SHC2: variants seen among roughly 807,000 people sequenced by gnomAD.
The protein encoded by SHC2 is SHC adaptor protein 2.
Under a neutral mutation model 60.6 loss-of-function variants are expected in SHC2, and 62 were observed. The observed-to-expected ratio is 1.02, with a 90% CI of 0.83 to 1.26. The LOEUF (loss-of-function observed/expected upper bound fraction) is 1.26, where lower values mean the gene tolerates loss of function less well. Among genes scored for constraint, SHC2 ranks in the 50% most tolerant of loss-of-function variants. The probability of loss-of-function intolerance (pLI) is 0.00; values close to 1 mark genes in which losing one functional copy is unlikely to be tolerated. For synonymous variants in SHC2, 375 were observed against 372.4 expected, an observed-to-expected ratio of 1.01 and a Z score of -0.08; for missense variants, 873 against 822.2, an observed-to-expected ratio of 1.06 and a Z score of -0.76.
rs2145723230 is a variant in SHC2, at chr19:438,381, TC to T, written c.720+336del. On this transcript the variant is annotated intron_variant, in intron 4 of 12. Transcript: ENST00000264554. The surrounding 1 kb of genome is among the most constrained non-coding windows in gnomAD (Gnocchi z 5.0). ...CTTGAGGACTGATAGCCAGGGTTTA[TC>T]CCCGCCCCTCCCCAGGCACTGTGGA... Among the ~76,000 whole-genome samples the T allele has an allele frequency of 6.6e-6, 1 of 152,300 alleles. No individual in the cohort carries two copies. Among genetic ancestry groups the T allele is most frequent in the African/African-American group, 2.4e-5 (1 of 41,576 alleles).
At chr19:419,182 G>C in intron 11 of SHC2, 126 bp from the exon 12 acceptor site, 1 of 1,066,236 alleles carries the variant, frequency 9.4e-7, no homozygotes, top group Non-Finnish European at 1.3e-6. Flanking sequence ...GGCCGGACCA[G>C]GGAATTCCGG....
At chr19:449,423 C>G (rs1017097616) in intron 1 of SHC2, among the ~76,000 whole-genome samples, 1 of 152,096 alleles carries the variant, frequency 6.6e-6, no homozygotes, top group Non-Finnish European at 1.5e-5. Flanking sequence ...AAAGGTTGCT[C>G]TGACACCGTT....
In SHC2 at chr19:460,509, G is replaced by T; in HGVS notation, c.468+20C>A. 1 of 1,232,464 alleles carries T rather than the reference G, an allele frequency of 8.1e-7. No homozygotes were observed. The highest frequency in any genetic ancestry group is 1.0e-6 in the Non-Finnish European group (1 of 973,506). The allele number at this position is 1,232,464 out of a possible 1,614,324, so 76.3% of individuals were successfully genotyped here. A position where few individuals can be genotyped will look rare whatever the true frequency, so the allele number is the denominator to read the frequency against. ...GAGGCCGCCGCGAACGGGCTCCCGG[G>T]GGGGGTGGGGGGGACTCACCCGCAC... On this transcript the variant is annotated intron_variant, in intron 1 of 12. Coordinates refer to ENST00000264554, the MANE Select transcript of SHC2 (RefSeq NM_012435.3).
Position 425,595 on chromosome 19 carries a change from C to T in SHC2, c.1175-364G>A, listed in dbSNP as rs769088858. On this transcript the variant is annotated intron_variant, in intron 9 of 12. Coordinates refer to ENST00000264554, the MANE Select transcript of SHC2 (RefSeq NM_012435.3). This position sits in a 1 kb window ranked among gnomAD's most constrained non-coding sequence, Gnocchi z 4.1. ...CCAGTGCGTGTATGTTCAGTCTCCA[C>T]ATTTAAAAATAATCACAGTAACTCT... Among the ~76,000 whole-genome samples, 1 of 152,232 alleles carries T rather than the reference C, an allele frequency of 6.6e-6. No homozygotes were observed. The highest frequency in any genetic ancestry group is 1.5e-5 in the Non-Finnish European group (1 of 68,040).
chr19:460,505 C>G, intron 1 of SHC2, 24 bp downstream of exon 1: 1 of 919,010 alleles, frequency 1.1e-6, no homozygotes, highest in South Asian at 4.4e-5. Context: ...GAACGGGCTC[C>G]CGGGGGGGGT....
chr19:426,059 G>A (rs926329389), intron 9 of SHC2, among the ~76,000 whole-genome samples: 2 of 151,790 alleles, frequency 1.3e-5, no homozygotes, highest in Admixed American at 6.6e-5. Context: ...TATCCACATG[G>A]TTCAAACCGG....
chr19:434,210 G>A (rs1039576559), intron 8 of SHC2, among the ~76,000 whole-genome samples: 1 of 98,922 alleles, frequency 1.0e-5, no homozygotes, highest in African/African-American at 4.5e-5. Context: ...GCCCCATTGT[G>A]AGCCTGTGAT....
chr19:436,800 G>A (rs1974734774), intron 4 of SHC2, 117 bp from the exon 5 acceptor site: 3 of 1,021,710 alleles, frequency 2.9e-6, no homozygotes, highest in Admixed American at 2.1e-5. Flanking sequence ...TGGGGATGGA[G>A]ACGTCTCCTG....
chr19:428,031 T>C (rs766706842), intron 9 of SHC2, among the ~76,000 whole-genome samples: 79 of 152,180 alleles, frequency 5.2e-4, no homozygotes, highest in Admixed American at 1.8e-3. Flanking sequence ...GGCTTTGAGA[T>C]CAGCCTGGGA....
chr19:418,804 C>G (rs1974208113), intron 12 of SHC2, 119 bp downstream of exon 12: 6 of 1,164,772 alleles, frequency 5.2e-6, no homozygotes, highest in Non-Finnish European at 6.0e-6. Context: ...TGCTGAACAC[C>G]CCTGAGTCGT....
chr19:446,132 C>T lies in SHC2; in HGVS notation c.469-5200G>A, dbSNP rs1273691127. Among the ~76,000 whole-genome samples the T allele has an allele frequency of 1.3e-5, 2 of 152,004 alleles. No homozygotes were observed. The highest frequency in any genetic ancestry group is 2.1e-4 in the South Asian group (1 of 4,808). On this transcript the variant is annotated intron_variant, in intron 1 of 12. Coordinates refer to ENST00000264554, the MANE Select transcript of SHC2 (RefSeq NM_012435.3). The surrounding 1 kb of genome is among the most constrained non-coding windows in gnomAD (Gnocchi z 5.4). The stretch of plus-strand genomic sequence containing the variant: ...ACAGAAGGGAGGGGCCGTGTGCAGC[C>T]GAGGACACCAAGGCCGGCCCCCAGG...
chr19:437,524 C>G (rs1568289474), intron 4 of SHC2, among the ~76,000 whole-genome samples: 1 of 152,096 alleles, frequency 6.6e-6, no homozygotes, highest in African/African-American at 2.4e-5. Flanking sequence ...CCATAGGGAC[C>G]CTCGAGGCTC....
At chr19:427,247 G>A (rs529370449) in intron 9 of SHC2, among the ~76,000 whole-genome samples, 2 of 152,360 alleles carry the variant, frequency 1.3e-5, no homozygotes, top group African/African-American at 4.8e-5. Flanking sequence ...GCCGCAGGCG[G>A]GGCTGGTGGG....
Position 436,287 on chromosome 19 carries a change from G to A in SHC2, c.831C>T (p.Cys277=). Reference sequence around the variant, plus strand: ...GGCCCTCACAGCACTCCAGGATGTGGCAGGCTGCGGGCACGTTGGTCATGC... The same window carrying A: ...GGCCCTCACAGCACTCCAGGATGTGACAGGCTGCGGGCACGTTGGTCATGC... ...VAKDPINQRA[C]HILECCEGLA... The change falls in exon 7 of 13, where the codon TGC becomes TGT. Residue 277 remains cysteine (C), a synonymous_variant. Coordinates refer to ENST00000264554, the MANE Select transcript of SHC2 (RefSeq NM_012435.3). 6.3e-7 allele frequency: 1 copy of A among 1,590,172 alleles called. No individual in the cohort carries two copies.
chr19:447,349 C>T (rs1179248667), intron 1 of SHC2, among the ~76,000 whole-genome samples: 1 of 152,248 alleles, frequency 6.6e-6, no homozygotes, highest in East Asian at 1.9e-4. Flanking sequence ...GATAAGTTTC[C>T]ATTTTGCCTG....
In SHC2 at chr19:424,907, G is replaced by A. The variant is rs1974370418; in HGVS notation, c.1309+190C>T. On this transcript the variant is annotated intron_variant, in intron 10 of 12. Coordinates refer to ENST00000264554, the MANE Select transcript of SHC2 (RefSeq NM_012435.3). The surrounding 1 kb of genome is among the most constrained non-coding windows in gnomAD (Gnocchi z 4.5). ...GGCAGAGTCCAGGACACCCCCATCA[G>A]ACAAGGCCTCCGACAGGAGACAGAC... Among the ~76,000 whole-genome samples the A allele has an allele frequency of 1.3e-5, 2 of 152,170 alleles. No homozygotes were observed. Among genetic ancestry groups the A allele is most frequent in the Admixed American group, 6.5e-5 (1 of 15,282 alleles).
intron 1 of SHC2, among the ~76,000 whole-genome samples, chr19:455,893 C>T (rs184669862): frequency 2.0e-5 from 3 of 152,292 alleles, no homozygotes; most frequent in Non-Finnish European, 1.5e-5. Flanking sequence ...CTCAGGGTTG[C>T]TCACTCGGTC....
intron 1 of SHC2, among the ~76,000 whole-genome samples, chr19:457,890 C>T (rs1370775514): frequency 6.6e-6 from 1 of 152,240 alleles, no homozygotes; most frequent in Non-Finnish European, 1.5e-5. Flanking sequence ...CCGATGCCAC[C>T]AGGGAAAACA....
intron 1 of SHC2, among the ~76,000 whole-genome samples, chr19:443,643 T>C (rs1178972611): frequency 7.5e-6 from 1 of 134,204 alleles, no homozygotes; most frequent in African/African-American, 2.9e-5. Flanking sequence ...GACAGATGGA[T>C]GGTTGGATGG....
Sources: allele counts gnomAD v4.1 joint callset (sites outside exome capture counted in the v4.1 genomes callset), GRCh38; gene constraint gnomAD v4.1.1; non-coding constraint Gnocchi (gnomAD v3.1); transcripts MANE v1.5; gene names NCBI Gene and HGNC (gene_info 2026-07-23, HGNC 2026-07-21).